CAMTA1: variants seen among roughly 807,000 people sequenced by gnomAD.
CAMTA1 encodes the protein calmodulin binding transcription activator 1, also known as calmodulin-binding transcription activator 1.
CAMTA1 carries 27 observed loss-of-function variants against 170.9 expected under a neutral mutation model. The observed-to-expected ratio is 0.16, with a 90% CI of 0.12 to 0.22. The LOEUF is 0.22. Ranked by LOEUF, CAMTA1 falls within the 10% of genes least tolerant of loss-of-function variation. The pLI is 1.00. For synonymous variants in CAMTA1, 833 were observed against 891.5 expected (o/e 0.93, Z 1.17); for missense variants, 1,619 against 2,217.2 (o/e 0.73, Z 5.42).
intron 6 of CAMTA1, among the ~76,000 whole-genome samples, chr1:7,502,628 G>A (rs1327836920): frequency 1.3e-5 from 2 of 152,110 alleles, no homozygotes; most frequent in Admixed American, 6.5e-5. Flanking sequence ...GTCGAGGAGT[G>A]GGGGGGCCTC....
At chr1:7,513,627 A>T (rs2094234867) in intron 6 of CAMTA1, among the ~76,000 whole-genome samples, 1 of 152,054 alleles carries the variant, frequency 6.6e-6, no homozygotes, top group East Asian at 1.9e-4. Flanking sequence ...TTTCTTACCA[A>T]AACACCGGTT....
chr1:7,632,280 C>T (rs74053120), intron 6 of CAMTA1, among the ~76,000 whole-genome samples: 2,777 of 152,342 alleles, frequency 0.018, 73 homozygotes, highest in African/African-American at 0.063. Flanking sequence ...CCCTCCTATC[C>T]GGCTGGCGGC....
chr1:7,091,433 T>C, intron 4 of CAMTA1, 62 bp downstream of exon 4: 1 of 1,286,214 alleles, frequency 7.8e-7, no homozygotes, highest in Non-Finnish European at 1.1e-6. Context: ...TTTGCATTGA[T>C]TACCTGATTT....
At chr1:7,596,455 G>A (rs1263587009) in intron 6 of CAMTA1, among the ~76,000 whole-genome samples, 2 of 152,214 alleles carry the variant, frequency 1.3e-5, no homozygotes, top group Non-Finnish European at 1.5e-5. Context: ...TCTTCTGTGT[G>A]TCCTGTGCTG....
At position 6,996,649 on chromosome 1, in the gene CAMTA1, C is replaced by A. The variant is rs1424499024; in HGVS notation, c.235-94655C>A. Among the ~76,000 whole-genome samples the A allele has an allele frequency of 2.6e-5, 4 of 151,610 alleles. No individual in the cohort carries two copies. The East Asian group carries it at 7.7e-4, about 29-fold the overall frequency. On this transcript the variant is annotated intron_variant, in intron 3 of 22. Transcript: ENST00000303635. ...TCTGAGTATTAGCTGCTCTGTGACA[C>A]TGACTGGGGCCTGCCTCAGGCAAAA...
chr1:6,824,974 T>C, intron 2 of CAMTA1, 118 bp from the exon 3 acceptor site: 1 of 565,678 alleles, frequency 1.8e-6, no homozygotes, highest in Non-Finnish European at 3.2e-6. Flanking sequence ...TAGTGGGGCC[T>C]CTGATGCTCT....
At chr1:7,053,796 G>A (rs7550892) in intron 3 of CAMTA1, among the ~76,000 whole-genome samples, 624 of 152,320 alleles carry the variant, frequency 4.1e-3, no homozygotes, top group Middle Eastern at 0.014. Flanking sequence ...AGCGCCCATA[G>A]CAGGGCCTGG....
rs149819216 is a variant in CAMTA1, at chr1:6,789,316, G to A, written c.45+3741G>A. Among the ~76,000 whole-genome samples, 4 of 152,250 alleles carry A rather than the reference G, an allele frequency of 2.6e-5. No individual in the cohort carries two copies. The East Asian group carries it at 7.7e-4, about 29-fold the overall frequency. On this transcript the variant is annotated intron_variant, in intron 1 of 22. Transcript: ENST00000303635. ...GATTTTAGGCTTTCCCCCAGAAATA[G>A]CCTATTCTTTAGAGAGTAGTGTTTA...
chr1:7,121,231 GGAACATGAGCTATGTGTGTAACTGAAA>G (rs1429451254), intron 4 of CAMTA1, among the ~76,000 whole-genome samples: 1 of 152,262 alleles, frequency 6.6e-6, no homozygotes, highest in African/African-American at 2.4e-5. Flanking sequence ...TAAATGGAAA[GGAACATGAGCTATGTGTGTAACTGAAA>G]GAACATGAGC....
chr1:7,055,984 C>T (rs370317250), intron 3 of CAMTA1, among the ~76,000 whole-genome samples: 5 of 152,258 alleles, frequency 3.3e-5, no homozygotes, highest in African/African-American at 7.2e-5. Context: ...TGAGTTACAG[C>T]GAGTCACCTG....
In CAMTA1 at chr1:6,861,983, G is replaced by A. The variant is rs557324422; in HGVS notation, c.234+36773G>A. On this transcript the variant is annotated intron_variant, in intron 3 of 22. Coordinates refer to ENST00000303635, the MANE Select transcript of CAMTA1 (RefSeq NM_015215.4). The stretch of plus-strand genomic sequence containing the variant: ...ATTTGTCTTTTTTTTTTTTTTTTGA[G>A]ACGGAGTCTTACTCTGTCACCCAGG... Among the ~76,000 whole-genome samples the A allele has an allele frequency of 2.8e-3, 407 of 143,420 alleles. 1 individual carries two copies. The highest frequency in any genetic ancestry group is 0.011 in the Middle Eastern group (3 of 282). 94.1% of individuals were successfully genotyped at this position (143,420 alleles called of 152,430 possible).
rs2100836544 is a variant in CAMTA1 at position 7,014,594 on chromosome 1, G to A, written c.235-76710G>A. ...GCAATGGCCGAGCTTCTGTTTTAAG[G>A]CAGCAAAACAGCGTGCGAGCTTGGT... On this transcript the variant is annotated intron_variant, in intron 3 of 22. Transcript: ENST00000303635. This position sits in a 1 kb window ranked among gnomAD's most constrained non-coding sequence, Gnocchi z 4.2. 6.6e-6 allele frequency among the ~76,000 whole-genome samples: 1 copy of A among 152,344 alleles called. No homozygotes were observed.
chr1:6,981,304 A>G (rs1007758934), intron 3 of CAMTA1, among the ~76,000 whole-genome samples: 1 of 152,234 alleles, frequency 6.6e-6, no homozygotes, highest in Admixed American at 6.5e-5. Context: ...AGAAAAGCTG[A>G]AAAATTCAAA....
At position 6,935,607 on chromosome 1, in the gene CAMTA1, C is replaced by T. The variant is rs141323171; in HGVS notation, c.234+110397C>T. The stretch of plus-strand genomic sequence containing the variant: ...AGCTGAACAAATGCAGATTTGTATT[C>T]TGTGCGCCTGCTTTAATTGTCTAAT... On this transcript the variant is annotated intron_variant, in intron 3 of 22. Coordinates refer to ENST00000303635, the MANE Select transcript of CAMTA1 (RefSeq NM_015215.4). Among the ~76,000 whole-genome samples the T allele has an allele frequency of 2.4e-3, 373 of 152,334 alleles. 4 individuals are homozygous for T. Among genetic ancestry groups the T allele is most frequent in the African/African-American group, 8.6e-3 (358 of 41,568 alleles).
At position 7,420,848 on chromosome 1, in the gene CAMTA1, G is replaced by A. The variant is rs541053294; in HGVS notation, c.439-46982G>A. ...CAGAGGGGCCTCAGCTGGGTCCTGA[G>A]GGGCACGTTCCCAGCCACAGGTGCT... On this transcript the variant is annotated intron_variant, in intron 5 of 22. Coordinates refer to ENST00000303635, the MANE Select transcript of CAMTA1 (RefSeq NM_015215.4). Among the ~76,000 whole-genome samples the A allele has an allele frequency of 2.0e-5, 3 of 152,318 alleles. No individual in the cohort carries two copies. In the East Asian group the frequency reaches 5.8e-4, roughly 29 times the overall value.
At chr1:6,947,126 G>A (rs1205474901) in intron 3 of CAMTA1, among the ~76,000 whole-genome samples, 1 of 152,154 alleles carries the variant, frequency 6.6e-6, no homozygotes, top group African/African-American at 2.4e-5. Context: ...GGCCATAAGT[G>A]TGAGGGTTAA....
chr1:6,797,674 ACCGCGC>A (rs1203400495), intron 1 of CAMTA1, among the ~76,000 whole-genome samples: 1 of 152,038 alleles, frequency 6.6e-6, no homozygotes, highest in Admixed American at 6.6e-5. Context: ...GACGTGAGCC[ACCGCGC>A]CTGTCTTGAG....
At chr1:7,170,008 G>T (rs1437558090) in intron 4 of CAMTA1, among the ~76,000 whole-genome samples, 1 of 151,988 alleles carries the variant, frequency 6.6e-6, no homozygotes, top group Non-Finnish European at 1.5e-5. Context: ...ATCTATTTTA[G>T]ATTTGTTTCC....
chr1:6,914,803 T>C (rs1436514998), intron 3 of CAMTA1, among the ~76,000 whole-genome samples: 1 of 152,226 alleles, frequency 6.6e-6, no homozygotes, highest in East Asian at 1.9e-4. Flanking sequence ...CTCTGGGATG[T>C]TACTCTGCGT....
Sources: allele counts gnomAD v4.1 joint callset (sites outside exome capture counted in the v4.1 genomes callset), GRCh38; gene constraint gnomAD v4.1.1; non-coding constraint Gnocchi (gnomAD v3.1); transcripts MANE v1.5; gene names NCBI Gene and HGNC (gene_info 2026-07-23, HGNC 2026-07-21).